Variants in LURAP1L observed in about 807,000 individuals in gnomAD.
LURAP1L encodes the protein leucine rich adaptor protein 1-like.
Under a neutral mutation model 13.8 loss-of-function variants are expected in LURAP1L, and 12 were observed. The ratio of observed to expected loss-of-function variants is 0.87; its 90% confidence interval spans 0.56 to 1.41. The LOEUF is 1.41. LURAP1L is among the 40% of genes most tolerant of loss of function. The pLI is 0.00. For synonymous variants in LURAP1L, 139 were observed against 119.2 expected, an observed-to-expected ratio of 1.17 and a Z score of -1.08; for missense variants, 375 against 292.9, an observed-to-expected ratio of 1.28 and a Z score of -2.04.
chr9:12,803,461 T>C (rs1819614857), intron 1 of LURAP1L, among the ~76,000 whole-genome samples: 2 of 152,200 alleles, frequency 1.3e-5, no homozygotes, highest in Admixed American at 6.5e-5. Flanking sequence ...ATACTGCCAA[T>C]GGGTAGTTAA....
In LURAP1L at chr9:12,823,032, A is replaced by T. The variant is rs1819902551; in HGVS notation, c.*1272A>T. On this transcript the variant is annotated 3_prime_UTR_variant, in exon 2 of 2. Coordinates refer to ENST00000319264, the MANE Select transcript of LURAP1L (RefSeq NM_203403.2). ...TTTATTTCCAAGGCATGTATTATTC[A>T]ATTTCTAATTAAAATATATCAGGGC... Among the ~76,000 whole-genome samples, 1 of 152,202 alleles carries T rather than the reference A, an allele frequency of 6.6e-6. No individual in the cohort carries two copies. The highest frequency in any genetic ancestry group is 2.4e-5 in the African/African-American group (1 of 41,444).
intron 1 of LURAP1L, among the ~76,000 whole-genome samples, chr9:12,810,729 A>G (rs2118535386): frequency 6.6e-6 from 1 of 152,312 alleles, no homozygotes; most frequent in Non-Finnish European, 1.5e-5. Flanking sequence ...TTGGAAAGTT[A>G]ATGTATTATC....
chr9:12,788,895 C>CTATA (rs34773230), intron 1 of LURAP1L, among the ~76,000 whole-genome samples: 24 of 147,606 alleles, frequency 1.6e-4, no homozygotes, highest in Non-Finnish European at 2.2e-4. Context: ...GACCCTATAT[C>CTATA]TATATATATA....
Position 12,816,731 on chromosome 9 carries a change from C to T in LURAP1L, c.313-4655C>T, listed in dbSNP as rs111561219. On this transcript the variant is annotated intron_variant, in intron 1 of 1. Transcript: ENST00000319264. Reference sequence around the variant, plus strand: ...AAATGACATGAAATCTCAACATTCTCCCTAAAATACAGAGACCTGTGACAT... The same window carrying T: ...AAATGACATGAAATCTCAACATTCTTCCTAAAATACAGAGACCTGTGACAT... Among the ~76,000 whole-genome samples, 387 of 152,270 alleles carry T rather than the reference C, an allele frequency of 2.5e-3. 1 individual carries two copies. Among genetic ancestry groups the T allele is most frequent in the African/African-American group, 8.9e-3 (370 of 41,558 alleles).
Position 12,791,361 on chromosome 9 carries a change from G to A in LURAP1L, c.312+15334G>A, listed in dbSNP as rs990218829. Reference sequence around the variant, plus strand: ...TCCCCCTAAAATTTTTTGTCTCTACGTGAACCTTTTAAATACCCATTTTCC... The same window carrying A: ...TCCCCCTAAAATTTTTTGTCTCTACATGAACCTTTTAAATACCCATTTTCC... On this transcript the variant is annotated intron_variant, in intron 1 of 1. Coordinates refer to ENST00000319264, the MANE Select transcript of LURAP1L (RefSeq NM_203403.2). Among the ~76,000 whole-genome samples, 15 of 151,904 alleles carry A rather than the reference G, an allele frequency of 9.9e-5. 1 individual carries two copies. The highest frequency in any genetic ancestry group is 1.9e-4 in the Non-Finnish European group (13 of 67,962).
chr9:12,803,978 C>T (rs1586883434), intron 1 of LURAP1L, among the ~76,000 whole-genome samples: 1 of 152,084 alleles, frequency 6.6e-6, no homozygotes, highest in African/African-American at 2.4e-5. Context: ...GAGACAGAAA[C>T]CTATTAAAAA....
intron 1 of LURAP1L, among the ~76,000 whole-genome samples, chr9:12,803,084 CAT>C (rs1025547986): frequency 6.6e-6 from 1 of 152,186 alleles, no homozygotes. Flanking sequence ...CTTCATTCAG[CAT>C]ATGTTTATTG....
chr9:12,791,309 G>A (rs1445908426), intron 1 of LURAP1L, among the ~76,000 whole-genome samples: 1 of 152,000 alleles, frequency 6.6e-6, no homozygotes, highest in Non-Finnish European at 1.5e-5. Flanking sequence ...TTCTAGTGTT[G>A]CAACAAAACC....
In LURAP1L at chr9:12,775,918, C is replaced by A. The variant is rs1490628987; in HGVS notation, c.203C>A (p.Ser68Tyr). 1 of 1,570,352 alleles carries A rather than the reference C, an allele frequency of 6.4e-7. No individual in the cohort carries two copies. Among genetic ancestry groups the A allele is most frequent in the Non-Finnish European group, 8.6e-7 (1 of 1,157,772 alleles). ...AGCAGCTACTGCAGCTTCCCTCCCTCCTTGTCGTCCTCCTCTTCGTCCTCC... is the reference window on the plus strand; with the variant it reads ...AGCAGCTACTGCAGCTTCCCTCCCTACTTGTCGTCCTCCTCTTCGTCCTCC... The part of the protein sequence containing the change: ...SSSSYCSFPP[S>Y]LSSSSSSSPT... Residue 68 changes from serine (S) to tyrosine (Y), a missense_variant, in exon 1 of 2, where the codon TCC becomes TAC. Ser to Tyr is a moderately radical substitution (Grantham distance 144, BLOSUM62 -2). Transcript: ENST00000319264.
At chr9:12,777,900 C>A (rs76598015) in intron 1 of LURAP1L, among the ~76,000 whole-genome samples, 7,217 of 152,206 alleles carry the variant, frequency 0.047, 579 homozygotes, top group African/African-American at 0.16. Flanking sequence ...AGTGATGAAT[C>A]ACAATTAGTT....
At chr9:12,808,438 C>T (rs1819690724) in intron 1 of LURAP1L, among the ~76,000 whole-genome samples, 1 of 152,082 alleles carries the variant, frequency 6.6e-6, no homozygotes, top group Non-Finnish European at 1.5e-5. Context: ...CACCACCATC[C>T]ACCCCCAGAA....
intron 1 of LURAP1L, among the ~76,000 whole-genome samples, chr9:12,788,285 A>G (rs1381676444): frequency 6.6e-6 from 1 of 152,188 alleles, no homozygotes; most frequent in Non-Finnish European, 1.5e-5. Context: ...TGCAAAATGA[A>G]AAAAGAATGA....
rs143768883 is a variant in LURAP1L at position 12,786,088 on chromosome 9, C to T, written c.312+10061C>T. Among the ~76,000 whole-genome samples, 488 of 152,134 alleles carry T rather than the reference C, an allele frequency of 3.2e-3. 3 individuals carry two copies. Among genetic ancestry groups the T allele is most frequent in the African/African-American group, 0.011 (446 of 41,512 alleles). Reference sequence around the variant, plus strand: ...TTACCTGGCATTTATTAGATGATTACAATATGACACACAGTATTTCAAACA... The same window carrying T: ...TTACCTGGCATTTATTAGATGATTATAATATGACACACAGTATTTCAAACA... On this transcript the variant is annotated intron_variant, in intron 1 of 1. Transcript: ENST00000319264.
chr9:12,796,428 T>A (rs1240729516), intron 1 of LURAP1L, among the ~76,000 whole-genome samples: 2 of 152,074 alleles, frequency 1.3e-5, no homozygotes, highest in Non-Finnish European at 2.9e-5. Flanking sequence ...CCTCCTTCTT[T>A]GCTTAACATT....
chr9:12,804,271 A>T (rs955946567), intron 1 of LURAP1L, among the ~76,000 whole-genome samples: 8 of 151,926 alleles, frequency 5.3e-5, no homozygotes, highest in African/African-American at 1.9e-4. Flanking sequence ...CATAGTCTAT[A>T]CCGTATTGGC....
At chr9:12,789,772 C>G (rs1006935261) in intron 1 of LURAP1L, among the ~76,000 whole-genome samples, 5 of 152,080 alleles carry the variant, frequency 3.3e-5, no homozygotes, top group African/African-American at 1.2e-4. Context: ...TAAAATAGGA[C>G]TCAGATAGAT....
intron 1 of LURAP1L, among the ~76,000 whole-genome samples, chr9:12,813,911 C>T (rs1186106279): frequency 1.3e-5 from 2 of 152,114 alleles, no homozygotes; most frequent in South Asian, 2.1e-4. Flanking sequence ...GTTTGAACTG[C>T]GTCCATAGTT....
At position 12,777,546 on chromosome 9, in the gene LURAP1L, C is replaced by A. The variant is rs555358426; in HGVS notation, c.312+1519C>A. The A allele has an allele frequency of 3.1e-6, 3 of 973,876 alleles. No individual in the cohort carries two copies. In the East Asian group the frequency reaches 3.4e-4, roughly 111 times the overall value. 60.3% of individuals were successfully genotyped at this position (973,876 alleles called of 1,614,324 possible). On this transcript the variant is annotated intron_variant, in intron 1 of 1. Transcript: ENST00000319264. ...TACCCATGGAATGTTAATATATTCA[C>A]TTAATCTAATAAATAAATCTTGTTG... is the stretch of plus-strand genomic sequence containing the variant.
intron 1 of LURAP1L, among the ~76,000 whole-genome samples, chr9:12,818,294 A>C (rs1172093156): frequency 6.6e-6 from 1 of 152,182 alleles, no homozygotes; most frequent in African/African-American, 2.4e-5. Context: ...AAAATTGCTG[A>C]CAAAAAATGT....
Sources: allele counts gnomAD v4.1 joint callset (sites outside exome capture counted in the v4.1 genomes callset), GRCh38; gene constraint gnomAD v4.1.1; transcripts MANE v1.5; gene names NCBI Gene and HGNC (gene_info 2026-07-23, HGNC 2026-07-21).